Variants in INVS observed in about 807,000 individuals in gnomAD.
The protein encoded by INVS is inversin.
Under a neutral mutation model 108.8 loss-of-function variants are expected in INVS, and 86 were observed. That is an observed-to-expected ratio of 0.79 (90% CI 0.66 to 0.95). The LOEUF is 0.95. INVS is among the 40% of genes least tolerant of loss of function. INVS has a pLI of 0.00. For synonymous variants in INVS, 455 were observed against 473.5 expected (o/e 0.96, Z 0.51); for missense variants, 1,169 against 1,297.4 (o/e 0.90, Z 1.52).
chr9:100,284,134 C>T (rs1351131225), intron 12 of INVS, among the ~76,000 whole-genome samples, 186 bp from the exon 13 acceptor site: 2 of 152,088 alleles, frequency 1.3e-5, no homozygotes, highest in Non-Finnish European at 2.9e-5. Context: ...ATCTTTTGGG[C>T]TATAAGGCCT....
chr9:100,279,274 G>A (rs1833206287), intron 12 of INVS, among the ~76,000 whole-genome samples: 1 of 152,182 alleles, frequency 6.6e-6, no homozygotes, highest in South Asian at 2.1e-4. Context: ...AGGTTAGCCT[G>A]CCTGAAGTCA....
intron 3 of INVS, among the ~76,000 whole-genome samples, chr9:100,136,901 G>T (rs1828242855): frequency 6.6e-6 from 1 of 152,114 alleles, no homozygotes; most frequent in African/African-American, 2.4e-5. Flanking sequence ...TTAGCCAGGT[G>T]TAGTGACACA....
rs758703044 is a variant in INVS at position 100,300,661 on chromosome 9, A to G, written c.3185A>G (p.Lys1062Arg). ...NLQSATQPKNKTKP is the reference protein window; with the variant it reads ...NLQSATQPKNRTKP ...CAATCAGCTACTCAGCCAAAAAACA[A>G]AACAAAACCTTGACTGCCTATGGAG... Residue 1062 changes from lysine to arginine, a missense_variant, in exon 17 of 17, where the codon AAA becomes AGA. Physicochemically the swap from Lys to Arg is conservative, Grantham distance 26. Coordinates refer to ENST00000262457, the MANE Select transcript of INVS (RefSeq NM_014425.5). 1.9e-6 allele frequency: 3 copies of G among 1,612,076 alleles called. No individual in the cohort carries two copies. The African/African-American group carries it at 4.0e-5, about 21-fold the overall frequency.
chr9:100,280,229 C>T (rs559228344), intron 12 of INVS, among the ~76,000 whole-genome samples: 80 of 152,266 alleles, frequency 5.3e-4, no homozygotes, highest in African/African-American at 1.9e-3. Context: ...TGTGAAGCAG[C>T]GTTGTGTCTT....
chr9:100,281,986 A>G lies in INVS; in HGVS notation c.1785-2334A>G, dbSNP rs186646713. Among the ~76,000 whole-genome samples the G allele has an allele frequency of 5.3e-5, 8 of 152,332 alleles. No individual in the cohort carries two copies. In the South Asian group the frequency reaches 1.7e-3, roughly 32 times the overall value. On this transcript the variant is annotated intron_variant, in intron 12 of 16. Coordinates refer to ENST00000262457, the MANE Select transcript of INVS (RefSeq NM_014425.5). ...CTGCTCAAATAACAAAGTCTAATTT[A>G]TCACCTCAGAGTCCCCCTTAATGGC... is the stretch of plus-strand genomic sequence containing the variant.
chr9:100,109,567 G>A (rs141216994), intron 2 of INVS, among the ~76,000 whole-genome samples: 1,679 of 152,304 alleles, frequency 0.011, 15 homozygotes, highest in Non-Finnish European at 0.017. Flanking sequence ...CAGTGGTATC[G>A]TGACCAGGAA....
chr9:100,106,945 T>C (rs540104986), intron 2 of INVS, among the ~76,000 whole-genome samples: 64 of 142,498 alleles, frequency 4.5e-4, no homozygotes, highest in African/African-American at 1.7e-3. Flanking sequence ...TGCTCAATTG[T>C]TGAAAAGAAG....
In INVS at chr9:100,284,443, G is replaced by C; in HGVS notation, c.1908G>C (p.Gln636His). 1 of 1,614,172 alleles carries C rather than the reference G, an allele frequency of 6.2e-7. No individual in the cohort carries two copies. The highest frequency in any genetic ancestry group is 8.5e-7 in the Non-Finnish European group (1 of 1,180,018). The stretch of plus-strand genomic sequence containing the variant: ...GCACCCAGGATGTGCCCAGCAGGCA[G>C]AGCCGGGCCCCCAGCAAGCAGCCTC... ...LPSTQDVPSR[Q>H]SRAPSKQPPA... The change falls in exon 13 of 17, where the codon CAG (glutamine) becomes CAC (histidine). Residue 636 changes from glutamine to histidine, a missense_variant. Transcript: ENST00000262457.
intron 3 of INVS, among the ~76,000 whole-genome samples, chr9:100,164,324 C>T (rs915902994): frequency 1.3e-5 from 2 of 151,896 alleles, no homozygotes; most frequent in Admixed American, 6.6e-5. Flanking sequence ...CTCTAGTCAC[C>T]GTGTTGTAGC....
chr9:100,252,480 G>A (rs371389112), intron 9 of INVS, 42 bp downstream of exon 9: 15 of 1,570,156 alleles, frequency 9.6e-6, no homozygotes, highest in African/African-American at 8.1e-5. Context: ...CTCTTAACAG[G>A]TAGGAATTCT....
chr9:100,214,789 C>T (rs1830935924), intron 3 of INVS: 1 of 152,240 alleles, frequency 6.6e-6, no homozygotes, highest in Admixed American at 6.5e-5. Context: ...TGGCTGGCCT[C>T]AGCTGCTGTT....
intron 1 of INVS, among the ~76,000 whole-genome samples, chr9:100,100,589 A>T (rs574259684): frequency 2.3e-4 from 22 of 94,644 alleles, no homozygotes; most frequent in African/African-American, 9.5e-4. Context: ...TAATATATAT[A>T]ATATATGTAC....
At chr9:100,250,867 ACCATT>A (rs778931497) in intron 8 of INVS, among the ~76,000 whole-genome samples, 17 of 152,184 alleles carry the variant, frequency 1.1e-4, no homozygotes, top group Non-Finnish European at 2.1e-4. Context: ...GACTGATAGG[ACCATT>A]TGTGATCTGG....
intron 3 of INVS, among the ~76,000 whole-genome samples, chr9:100,178,179 A>G (rs1056034974): frequency 3.9e-5 from 6 of 152,214 alleles, no homozygotes; most frequent in African/African-American, 7.2e-5. Flanking sequence ...GGAAAAACCA[A>G]TGCAAAAAGC....
chr9:100,286,340 G>A (rs1232830341), intron 13 of INVS, among the ~76,000 whole-genome samples: 1 of 152,136 alleles, frequency 6.6e-6, no homozygotes, highest in Non-Finnish European at 1.5e-5. Context: ...GATTACTTGA[G>A]GCCAGGAGTT....
intron 3 of INVS, among the ~76,000 whole-genome samples, chr9:100,142,671 A>T (rs561153630): frequency 1.5e-4 from 23 of 152,324 alleles, no homozygotes; most frequent in African/African-American, 5.3e-4. Context: ...TGCATCAGGT[A>T]TGAGGAAGAA....
chr9:100,276,871 A>G (rs1833130024), intron 12 of INVS, among the ~76,000 whole-genome samples: 1 of 152,074 alleles, frequency 6.6e-6, no homozygotes, highest in African/African-American at 2.4e-5. Flanking sequence ...ACTTCCACTT[A>G]CATTTCTAAG....
intron 1 of INVS, chr9:100,101,391 G>A (rs970936113): frequency 1.3e-5 from 2 of 152,000 alleles, no homozygotes; most frequent in African/African-American, 2.4e-5. Context: ...CCCCTCCCAT[G>A]TTTTCACCTC....
intron 3 of INVS, among the ~76,000 whole-genome samples, chr9:100,198,646 G>A (rs1044940565): frequency 1.3e-5 from 2 of 151,096 alleles, no homozygotes; most frequent in Non-Finnish European, 2.9e-5. Flanking sequence ...AGGCTGGAGT[G>A]CAGTGGCATG....
Sources: gnomAD v4.1 joint callset for allele counts (sites outside exome capture counted in the v4.1 genomes callset) on GRCh38, gnomAD v4.1.1 for gene constraint, MANE v1.5 for transcripts, NCBI Gene and HGNC (gene_info 2026-07-23, HGNC 2026-07-21) for gene names.